The following SAMSN1 variants were observed in gnomAD, a reference collection of about 807,000 sequenced individuals.
SAMSN1 encodes the protein SAM domain, SH3 domain and nuclear localization signals 1, also known as SAM domain-containing protein SAMSN-1.
A neutral mutation model predicts 42.0 loss-of-function variants in SAMSN1; 31 were observed. That is an observed-to-expected ratio of 0.74 (90% CI 0.55 to 1.00). The LOEUF (loss-of-function observed/expected upper bound fraction) is 1.00. Ranked by LOEUF, SAMSN1 falls within the 50% of genes least tolerant of loss-of-function variation. SAMSN1 has a pLI of 0.00. For missense variants in SAMSN1, 464 were observed against 439.4 expected (o/e 1.06, Z -0.50); for synonymous variants, 178 against 151.9 (o/e 1.17, Z -1.26).
intron 2 of SAMSN1, among the ~76,000 whole-genome samples, chr21:14,555,866 G>T (rs539781858): frequency 6.6e-6 from 1 of 152,242 alleles, no homozygotes; most frequent in South Asian, 2.1e-4. Context: ...TCTAAATTTT[G>T]CACAGAAGTG....
At chr21:14,620,267 G>C (rs1452972306) in intron 2 of SAMSN1, among the ~76,000 whole-genome samples, 1 of 152,172 alleles carries the variant, frequency 6.6e-6, no homozygotes, top group Non-Finnish European at 1.5e-5. Context: ...GGAGGAACTT[G>C]GAGGGAATTG....
At chr21:14,513,965 A>G (rs1035302419) in intron 3 of SAMSN1, among the ~76,000 whole-genome samples, 1 of 152,156 alleles carries the variant, frequency 6.6e-6, no homozygotes, top group Admixed American at 6.5e-5. Flanking sequence ...TGTGCCACTT[A>G]GATCTCTTGC....
chr21:14,542,415 A>C (rs940988544), intron 1 of SAMSN1, among the ~76,000 whole-genome samples: 5 of 152,222 alleles, frequency 3.3e-5, no homozygotes, highest in African/African-American at 4.8e-5. Context: ...CAAATATTAA[A>C]TAAATTAGTG....
At chr21:14,539,976 A>C (rs1979900557) in intron 1 of SAMSN1, among the ~76,000 whole-genome samples, 1 of 152,224 alleles carries the variant, frequency 6.6e-6, no homozygotes, top group Admixed American at 6.5e-5. Context: ...CAGAGCCCTC[A>C]GAAATAATGC....
chr21:14,523,298 A>G (rs982029121), intron 1 of SAMSN1: 2 of 152,238 alleles, frequency 1.3e-5, no homozygotes, highest in Non-Finnish European at 1.5e-5. Context: ...CTTGATAGAC[A>G]GTGTGATACA....
chr21:14,649,273 G>C (rs1376111857), intron 1 of SAMSN1, among the ~76,000 whole-genome samples: 1 of 134,934 alleles, frequency 7.4e-6, no homozygotes, highest in Admixed American at 7.6e-5. Context: ...GGACTGTTGT[G>C]GGGTGGGGGG....
intron 2 of SAMSN1, among the ~76,000 whole-genome samples, chr21:14,566,946 G>T (rs971809855): frequency 3.3e-5 from 5 of 152,030 alleles, no homozygotes. Flanking sequence ...TTAGGATATA[G>T]AGATCATGAC....
At chr21:14,575,084 T>A (rs1378295282) in intron 2 of SAMSN1, among the ~76,000 whole-genome samples, 1 of 152,196 alleles carries the variant, frequency 6.6e-6, no homozygotes, top group South Asian at 2.1e-4. Flanking sequence ...ACATGCATAC[T>A]TCTAAGCTCT....
chr21:14,590,604 A>T (rs1982054089), intron 7 of SAMSN1, among the ~76,000 whole-genome samples: 1 of 152,080 alleles, frequency 6.6e-6, no homozygotes, highest in Non-Finnish European at 1.5e-5. Context: ...AAACAACTAC[A>T]AAATGTATTT....
At chr21:14,499,394 C>G (rs1987042919) in intron 6 of SAMSN1, among the ~76,000 whole-genome samples, 1 of 150,580 alleles carries the variant, frequency 6.6e-6, no homozygotes, top group Non-Finnish European at 1.5e-5. Flanking sequence ...TTTACTTGCT[C>G]TAATTTCAAT....
chr21:14,516,760 C>T (rs1987936677), intron 3 of SAMSN1, 132 bp downstream of exon 3: 1 of 679,542 alleles, frequency 1.5e-6, no homozygotes, highest in Non-Finnish European at 2.3e-6. Flanking sequence ...CACCCAAGTT[C>T]TGGGCATAAT....
chr21:14,507,511 C>T (rs999060585), intron 5 of SAMSN1, among the ~76,000 whole-genome samples: 3 of 152,098 alleles, frequency 2.0e-5, no homozygotes, highest in African/African-American at 4.8e-5. Flanking sequence ...AAGACCTCCA[C>T]AAGGAAAAGT....
chr21:14,512,027 A>C (rs991170679), intron 4 of SAMSN1, among the ~76,000 whole-genome samples: 1 of 152,172 alleles, frequency 6.6e-6, no homozygotes, highest in South Asian at 2.1e-4. Flanking sequence ...AGGGGGACGC[A>C]GGGAAGAGGA....
intron 2 of SAMSN1, among the ~76,000 whole-genome samples, chr21:14,563,162 ATCATAACCTCC>A (rs1981000027): frequency 2.3e-5 from 1 of 43,762 alleles, no homozygotes; most frequent in African/African-American, 8.2e-5. Flanking sequence ...CTGCAATGTC[ATCATAACCTCC>A]TGAGACACAA....
chr21:14,600,691 G>A lies in SAMSN1; in HGVS notation c.399+1332C>T, dbSNP rs139839175. ...CCTACAGAAGGATTTCCTCTTGGCA[G>A]AAGGCATGTCTAGTGAGCTATTCCA... On this transcript the variant is annotated intron_variant, in intron 6 of 15. Transcript: ENST00000647101. 5.6e-3 allele frequency among the ~76,000 whole-genome samples: 847 copies of A among 152,276 alleles called. 9 individuals carry two copies. Among genetic ancestry groups the A allele is most frequent in the African/African-American group, 0.019 (792 of 41,560 alleles).
intron 2 of SAMSN1, among the ~76,000 whole-genome samples, chr21:14,624,854 T>C (rs1212391868): frequency 6.6e-6 from 1 of 152,186 alleles, no homozygotes; most frequent in Non-Finnish European, 1.5e-5. Context: ...ATATCCTTGA[T>C]GAACATCGAT....
chr21:14,510,345 GCGTGAAATC>G lies in SAMSN1; in HGVS notation c.517_525del (p.Asp173_Thr175del). 1 of 1,614,084 alleles carries G rather than the reference GCGTGAAATC, an allele frequency of 6.2e-7. No individual in the cohort carries two copies. Among genetic ancestry groups the G allele is most frequent in the Non-Finnish European group, 8.5e-7 (1 of 1,179,994 alleles). The stretch of plus-strand genomic sequence containing the variant: ...AGGGAGTCAGTGTCATAGGGACTTG[GCGTGAAATC>G]CGTATGCACTCTGGCACGGCCACAG... On this transcript the variant is annotated inframe_deletion, in exon 5 of 8. Coordinates refer to ENST00000400566, the MANE Select transcript of SAMSN1 (RefSeq NM_022136.5).
At chr21:14,520,015 ATT>A (rs1441643149) in intron 2 of SAMSN1, among the ~76,000 whole-genome samples, 1 of 152,230 alleles carries the variant, frequency 6.6e-6, no homozygotes, top group Non-Finnish European at 1.5e-5. Flanking sequence ...AAGCAAGCAT[ATT>A]TCTGCAATGG....
chr21:14,503,439 C>G (rs1396270305), intron 5 of SAMSN1, among the ~76,000 whole-genome samples: 1 of 152,134 alleles, frequency 6.6e-6, no homozygotes, highest in Non-Finnish European at 1.5e-5. Context: ...AGAAGAGAAC[C>G]CTGAGCCTCA....
Sources: gnomAD v4.1 joint callset for allele counts (sites outside exome capture counted in the v4.1 genomes callset) on GRCh38, gnomAD v4.1.1 for gene constraint, MANE v1.5 for transcripts, NCBI Gene and HGNC (gene_info 2026-07-23, HGNC 2026-07-21) for gene names.